ZNF804A: variants seen among roughly 807,000 people sequenced by gnomAD.
The protein encoded by ZNF804A is zinc finger protein 804A.
ZNF804A carries 2 observed loss-of-function variants against 16.5 expected under a neutral mutation model. The ratio of observed to expected loss-of-function variants is 0.12; its 90% CI spans 0.05 to 0.38. The LOEUF (loss-of-function observed/expected upper bound fraction) is 0.38. Ranked by LOEUF, ZNF804A falls within the 10% of genes least tolerant of loss-of-function variation. The pLI is 0.99. For synonymous variants in ZNF804A, 534 were observed against 489.6 expected, an observed-to-expected ratio of 1.09 and a Z score of -1.20; for missense variants, 1,473 against 1,390.7, an observed-to-expected ratio of 1.06 and a Z score of -0.94.
intron 1 of ZNF804A, among the ~76,000 whole-genome samples, chr2:184,827,896 A>T (rs892586521): frequency 1.3e-5 from 2 of 151,924 alleles, no homozygotes; most frequent in East Asian, 3.9e-4. Context: ...TCTTTAAAAA[A>T]TTTTTGTTTC....
At chr2:184,820,288 A>C (rs770128188) in intron 1 of ZNF804A, among the ~76,000 whole-genome samples, 3 of 152,190 alleles carry the variant, frequency 2.0e-5, no homozygotes, top group Admixed American at 6.5e-5. Flanking sequence ...ATTGTAATAC[A>C]TCACATAAAC....
At chr2:184,613,467 G>T (rs1691270373) in intron 1 of ZNF804A, among the ~76,000 whole-genome samples, 1 of 152,116 alleles carries the variant, frequency 6.6e-6, no homozygotes, top group African/African-American at 2.4e-5. Context: ...GAACTTTCTG[G>T]CCGACCAATA....
At chr2:184,655,971 A>C (rs1399188038) in intron 1 of ZNF804A, among the ~76,000 whole-genome samples, 2 of 152,276 alleles carry the variant, frequency 1.3e-5, no homozygotes, top group East Asian at 3.9e-4. Context: ...ATGTTAATTG[A>C]TTAATAATTA....
At chr2:184,650,979 C>T (rs910040368) in intron 1 of ZNF804A, among the ~76,000 whole-genome samples, 5 of 151,998 alleles carry the variant, frequency 3.3e-5, no homozygotes, top group African/African-American at 1.2e-4. Flanking sequence ...GCCTGAATAG[C>T]CAAAGCAATC....
intron 1 of ZNF804A, among the ~76,000 whole-genome samples, chr2:184,765,965 A>C (rs1033234185): frequency 1.3e-5 from 2 of 152,040 alleles, no homozygotes; most frequent in African/African-American, 4.8e-5. Context: ...TCAATATAAC[A>C]CTTGCCGTCA....
chr2:184,717,378 A>T (rs1157079949), intron 1 of ZNF804A, among the ~76,000 whole-genome samples: 1 of 151,840 alleles, frequency 6.6e-6, no homozygotes, highest in East Asian at 1.9e-4. Context: ...TTCATCAGTA[A>T]CTCTGTCCTG....
At chr2:184,772,265 C>CA (rs71403989) in intron 1 of ZNF804A, among the ~76,000 whole-genome samples, 5,810 of 131,990 alleles carry the variant, frequency 0.044, 267 homozygotes, top group African/African-American at 0.12. Context: ...TCCCCTTGAC[C>CA]AAAAAAAAAA....
intron 1 of ZNF804A, among the ~76,000 whole-genome samples, chr2:184,783,469 A>T (rs1254418642): frequency 1.3e-5 from 2 of 151,922 alleles, no homozygotes; most frequent in Non-Finnish European, 2.9e-5. Flanking sequence ...AATAAATTGT[A>T]TTATTTTAAA....
rs1203168340 is a variant in ZNF804A, at chr2:184,689,789, AAT to A, written c.111+90722_111+90723del. 3.9e-5 allele frequency among the ~76,000 whole-genome samples: 6 copies of A among 152,158 alleles called. No individual in the cohort carries two copies. In the East Asian group the frequency reaches 1.2e-3, roughly 29 times the overall value. ...ACTACATTTGGAAGAGGTTCCTTAG[AAT>A]ATCGTAAGATTCTGTTTATTCTCTC... On this transcript the variant is annotated intron_variant, in intron 1 of 3. Coordinates refer to ENST00000302277, the MANE Select transcript of ZNF804A (RefSeq NM_194250.2).
intron 1 of ZNF804A, among the ~76,000 whole-genome samples, chr2:184,834,048 C>T (rs144001631): frequency 3.3e-4 from 50 of 152,058 alleles, no homozygotes; most frequent in Admixed American, 5.2e-4. Flanking sequence ...ATGATCCTCG[C>T]GTGAATCAAT....
In ZNF804A at chr2:184,936,915, G is replaced by A. The variant is rs756288780; in HGVS notation, c.1519G>A (p.Gly507Arg). The change falls in exon 4 of 4, where the codon GGA (glycine) becomes AGA (arginine). Residue 507 changes from glycine (G) to arginine (R), a missense_variant. Coordinates refer to ENST00000302277, the MANE Select transcript of ZNF804A (RefSeq NM_194250.2). The stretch of plus-strand genomic sequence containing the variant: ...AGATTACAAGGATGTATCTACAGAA[G>A]GACTCACTGATTATGAAATTGGAAG... ...LSDYKDVSTEGLTDYEIGSSK... is the reference protein window; with the variant it reads ...LSDYKDVSTERLTDYEIGSSK... The A allele has an allele frequency of 1.2e-6, 2 of 1,613,904 alleles. No homozygotes were observed. The highest frequency in any genetic ancestry group is 4.5e-5 in the East Asian group (2 of 44,856).
At chr2:184,928,741 G>T (rs10170118) in intron 2 of ZNF804A, among the ~76,000 whole-genome samples, 1 of 152,168 alleles carries the variant, frequency 6.6e-6, no homozygotes, top group Non-Finnish European at 1.5e-5. Context: ...TCTGGCTAGG[G>T]CTGGTTTAAA....
At chr2:184,758,316 G>C (rs564592946) in intron 1 of ZNF804A, among the ~76,000 whole-genome samples, 6 of 151,702 alleles carry the variant, frequency 4.0e-5, no homozygotes, top group African/African-American at 1.5e-4. Context: ...ATCAATAATG[G>C]CACTTATATA....
chr2:184,615,654 A>G (rs1275563883), intron 1 of ZNF804A, among the ~76,000 whole-genome samples: 1 of 151,816 alleles, frequency 6.6e-6, no homozygotes, highest in Non-Finnish European at 1.5e-5. Flanking sequence ...GATGTATTTC[A>G]TATGATTTTT....
At chr2:184,778,490 G>A (rs763431283) in intron 1 of ZNF804A, among the ~76,000 whole-genome samples, 1 of 151,474 alleles carries the variant, frequency 6.6e-6, no homozygotes, top group Non-Finnish European at 1.5e-5. Context: ...AGAGGGACAG[G>A]GATATACAAG....
chr2:184,799,307 A>T (rs1694686329), intron 1 of ZNF804A, among the ~76,000 whole-genome samples: 1 of 151,596 alleles, frequency 6.6e-6, no homozygotes, highest in Non-Finnish European at 1.5e-5. Flanking sequence ...GCACCGATTG[A>T]TTTTTTTTAA....
chr2:184,734,903 A>G (rs191021350), intron 1 of ZNF804A, among the ~76,000 whole-genome samples: 2 of 152,204 alleles, frequency 1.3e-5, no homozygotes, highest in Admixed American at 6.5e-5. Flanking sequence ...TGATCCCTTT[A>G]TTATTATGCA....
intron 1 of ZNF804A, among the ~76,000 whole-genome samples, chr2:184,809,722 C>G (rs895624323): frequency 1.3e-5 from 2 of 151,786 alleles, no homozygotes; most frequent in African/African-American, 4.8e-5. Flanking sequence ...AAAAAATTAT[C>G]CCTGTGTGTC....
intron 1 of ZNF804A, among the ~76,000 whole-genome samples, chr2:184,627,138 T>C (rs1413644593): frequency 6.6e-6 from 1 of 152,170 alleles, no homozygotes; most frequent in East Asian, 1.9e-4. Flanking sequence ...ATAATGCCAA[T>C]ACCAGAGAAG....
Sources: gnomAD v4.1 joint callset for allele counts (sites outside exome capture counted in the v4.1 genomes callset) on GRCh38, gnomAD v4.1.1 for gene constraint, MANE v1.5 for transcripts, NCBI Gene and HGNC (gene_info 2026-07-23, HGNC 2026-07-21) for gene names.